PRDM16: variants seen among roughly 807,000 people sequenced by gnomAD.
PRDM16 encodes the protein PR/SET domain 16, also known as histone-lysine N-methyltransferase PRDM16.
PRDM16 carries 23 observed loss-of-function variants against 110.6 expected under a neutral mutation model. The ratio of observed to expected loss-of-function variants is 0.21; its 90% CI spans 0.15 to 0.29. The LOEUF is 0.29. PRDM16 is among the 10% of genes least tolerant of loss of function. The pLI is 1.00. For missense variants in PRDM16, 1,615 were observed against 1,794.3 expected (o/e 0.90, Z 1.81); for synonymous variants, 799 against 781.8 (o/e 1.02, Z -0.37).
intron 1 of PRDM16, among the ~76,000 whole-genome samples, chr1:3,154,266 G>A (rs1022074791): frequency 3.9e-5 from 6 of 152,304 alleles, no homozygotes; most frequent in African/African-American, 1.2e-4. Flanking sequence ...ACGGGCTGGC[G>A]CACTCTCCCT....
At chr1:3,269,731 T>TGG (rs1324004014) in intron 3 of PRDM16, among the ~76,000 whole-genome samples, 1 of 128,928 alleles carries the variant, frequency 7.8e-6, no homozygotes, top group African/African-American at 2.8e-5. Flanking sequence ...GGAGGACAGT[T>TGG]GGGAGGACAG....
At chr1:3,194,388 G>C (rs971239168) in intron 2 of PRDM16, among the ~76,000 whole-genome samples, 4 of 152,288 alleles carry the variant, frequency 2.6e-5, no homozygotes, top group Non-Finnish European at 4.4e-5. Flanking sequence ...TGTGGGGGCA[G>C]CCGGCGCTCA....
chr1:3,144,330 G>A lies in PRDM16; in HGVS notation c.38-41795G>A, dbSNP rs542322952. 1.3e-3 allele frequency among the ~76,000 whole-genome samples: 205 copies of A among 152,322 alleles called. 1 individual carries two copies. The highest frequency in any genetic ancestry group is 4.7e-3 in the African/African-American group (195 of 41,572). On this transcript the variant is annotated intron_variant, in intron 1 of 16. Coordinates refer to ENST00000270722, the MANE Select transcript of PRDM16 (RefSeq NM_022114.4). ...CCTCGGGTTGGATGCAGACAGGCCC[G>A]TGTGGCTTTGGGAAAGGCTCCTCCC...
At chr1:3,286,599 A>G (rs1391371307) in intron 3 of PRDM16, among the ~76,000 whole-genome samples, 2 of 152,182 alleles carry the variant, frequency 1.3e-5, no homozygotes, top group African/African-American at 4.8e-5. Flanking sequence ...AGAAAGCTGG[A>G]TGCTCAGGAA....
intron 1 of PRDM16, among the ~76,000 whole-genome samples, chr1:3,125,936 G>A (rs570899696): frequency 2.0e-5 from 3 of 152,222 alleles, no homozygotes; most frequent in Non-Finnish European, 4.4e-5. Context: ...TTAGAGGCCC[G>A]AGAGCAATTA....
At chr1:3,138,663 A>C (rs541677693) in intron 1 of PRDM16, among the ~76,000 whole-genome samples, 44 of 152,328 alleles carry the variant, frequency 2.9e-4, no homozygotes, top group African/African-American at 9.9e-4. Flanking sequence ...ATATGGTACC[A>C]GCACCTTGGG....
intron 3 of PRDM16, among the ~76,000 whole-genome samples, chr1:3,323,633 G>T (rs1023292239): frequency 6.6e-6 from 1 of 152,238 alleles, no homozygotes; most frequent in Non-Finnish European, 1.5e-5. Flanking sequence ...GGAAACCCAC[G>T]TGTGCAGTCA....
rs1043911515 is a variant in PRDM16 at position 3,425,381 on chromosome 1, G to A, written c.2940-200G>A. 10 of 556,360 alleles carry A rather than the reference G, an allele frequency of 1.8e-5. 1 individual carries two copies. The highest frequency in any genetic ancestry group is 9.5e-5 in the African/African-American group (5 of 52,848). 34.5% of individuals were successfully genotyped at this position (556,360 alleles called of 1,614,324 possible). Reference sequence around the variant, plus strand: ...GCGTGAACCCCTGCTTCTTGAAGCCGGGGCTGTTTCTAGGGACAGCTTCCC... The same window carrying A: ...GCGTGAACCCCTGCTTCTTGAAGCCAGGGCTGTTTCTAGGGACAGCTTCCC... On this transcript the variant is annotated intron_variant, in intron 12 of 16. Coordinates refer to ENST00000270722, the MANE Select transcript of PRDM16 (RefSeq NM_022114.4). This position sits in a 1 kb window ranked among gnomAD's most constrained non-coding sequence, Gnocchi z 6.9.
chr1:3,411,077 T>C (rs1643677344), intron 8 of PRDM16, among the ~76,000 whole-genome samples: 1 of 152,114 alleles, frequency 6.6e-6, no homozygotes, highest in Non-Finnish European at 1.5e-5. Context: ...CACATGCTCA[T>C]GTGTGCACAC....
intron 1 of PRDM16, among the ~76,000 whole-genome samples, chr1:3,087,454 T>C (rs1050179518): frequency 6.6e-6 from 1 of 152,238 alleles, no homozygotes; most frequent in African/African-American, 2.4e-5. Flanking sequence ...AAGTTGTTCC[T>C]GCCTTGGGGT....
chr1:3,101,139 G>T (rs189560761), intron 1 of PRDM16, among the ~76,000 whole-genome samples: 23 of 152,142 alleles, frequency 1.5e-4, no homozygotes, highest in Non-Finnish European at 4.4e-5. Flanking sequence ...GTGCCCCTTC[G>T]GTCTGGGGAA....
At chr1:3,181,150 GCA>G (rs1204927373) in intron 1 of PRDM16, among the ~76,000 whole-genome samples, 62 of 71,976 alleles carry the variant, frequency 8.6e-4, no homozygotes, top group Non-Finnish European at 1.3e-3. Context: ...TCTTACACAC[GCA>G]GTCTTACACG....
At chr1:3,083,238 G>A (rs1333444191) in intron 1 of PRDM16, among the ~76,000 whole-genome samples, 4 of 152,136 alleles carry the variant, frequency 2.6e-5, no homozygotes, top group African/African-American at 4.8e-5. Context: ...CGCAGGGGTC[G>A]GGTCTCCTGG....
intron 1 of PRDM16, among the ~76,000 whole-genome samples, chr1:3,088,289 AAATAAT>A (rs969472416): frequency 6.6e-6 from 1 of 151,806 alleles, no homozygotes; most frequent in Non-Finnish European, 1.5e-5. Flanking sequence ...AAAGCAATAA[AAATAAT>A]AATAATAATA....
At chr1:3,354,903 A>T (rs1430129723) in intron 3 of PRDM16, among the ~76,000 whole-genome samples, 1 of 152,132 alleles carries the variant, frequency 6.6e-6, no homozygotes. Flanking sequence ...GGGCCGCACC[A>T]TGAAGGGCTA....
intron 14 of PRDM16, among the ~76,000 whole-genome samples, chr1:3,430,434 C>T (rs767260194): frequency 2.3e-4 from 35 of 152,222 alleles, no homozygotes; most frequent in Admixed American, 3.9e-4. Flanking sequence ...TCCCGGCTCT[C>T]GGGCCAGTGC....
chr1:3,225,573 TGC>T (rs138962991), intron 2 of PRDM16, among the ~76,000 whole-genome samples: 3 of 129,804 alleles, frequency 2.3e-5, no homozygotes, highest in African/African-American at 5.3e-5. Flanking sequence ...TGTGTGTGTG[TGC>T]GCGCGCGCAG....
intron 2 of PRDM16, among the ~76,000 whole-genome samples, chr1:3,193,162 A>C (rs1369889357): frequency 6.6e-6 from 1 of 152,160 alleles, no homozygotes; most frequent in African/African-American, 2.4e-5. Flanking sequence ...GCGGCTTACC[A>C]GGGGGCAGCT....
chr1:3,249,532 A>G (rs997747335), intron 3 of PRDM16, among the ~76,000 whole-genome samples: 1 of 140,264 alleles, frequency 7.1e-6, no homozygotes, highest in East Asian at 2.0e-4. Flanking sequence ...CTACCCATGC[A>G]CTTTATTACC....
Sources: gnomAD v4.1 joint callset for allele counts (sites outside exome capture counted in the v4.1 genomes callset) on GRCh38, gnomAD v4.1.1 for gene constraint, Gnocchi (gnomAD v3.1) non-coding constraint, MANE v1.5 for transcripts, NCBI Gene and HGNC (gene_info 2026-07-23, HGNC 2026-07-21) for gene names.